Variants in RNF130 observed in about 807,000 individuals in gnomAD.
The protein encoded by RNF130 is E3 ubiquitin-protein ligase RNF130.
A neutral mutation model predicts 44.6 loss-of-function variants in RNF130; 21 were observed. That is an observed-to-expected ratio of 0.47 (90% confidence interval 0.33 to 0.68). The LOEUF (loss-of-function observed/expected upper bound fraction) is 0.68, where lower values mean the gene tolerates loss of function less well. RNF130 is among the 30% of genes least tolerant of loss of function. The probability of loss-of-function intolerance (pLI) is 0.02; values close to 1 mark genes in which losing one functional copy is unlikely to be tolerated. For missense variants in RNF130, 479 were observed against 560.6 expected (o/e 0.85, Z 1.47); for synonymous variants, 214 against 210.4 (o/e 1.02, Z -0.15).
At chr5:179,987,727 G>A (rs539510139) in intron 3 of RNF130, among the ~76,000 whole-genome samples, 1 of 152,186 alleles carries the variant, frequency 6.6e-6, no homozygotes, top group African/African-American at 2.4e-5. Flanking sequence ...TGAGAATCTG[G>A]TATTTGTTGT....
chr5:179,963,433 A>T, intron 8 of RNF130, 38 bp downstream of exon 8: 2 of 1,503,782 alleles, frequency 1.3e-6, no homozygotes, highest in Non-Finnish European at 1.8e-6. Flanking sequence ...TCCTGGGATC[A>T]TCTGGCACAT....
intron 2 of RNF130, 35 bp from the exon 3 acceptor site, chr5:180,013,346 A>C: frequency 1.3e-6 from 2 of 1,549,922 alleles, no homozygotes; most frequent in South Asian, 2.4e-5. Flanking sequence ...CTCAAGTGAC[A>C]TTTAAAACTT....
At chr5:179,998,031 G>A (rs1027359533) in intron 3 of RNF130, among the ~76,000 whole-genome samples, 44 of 151,680 alleles carry the variant, frequency 2.9e-4, no homozygotes, top group South Asian at 2.1e-4. Flanking sequence ...TAGTAGAGAC[G>A]GGGTTTCACC....
intron 1 of RNF130, among the ~76,000 whole-genome samples, chr5:180,054,774 T>A (rs1237773901): frequency 1.3e-5 from 2 of 152,218 alleles, no homozygotes; most frequent in Non-Finnish European, 2.9e-5. Context: ...TAGGTCAATT[T>A]GGAGGGCACA....
At chr5:179,913,264 G>A (rs1761494790) in exon 8 of RNF130, 1 of 152,298 alleles carries the variant, frequency 6.6e-6, no homozygotes, top group East Asian at 1.9e-4. Context: ...GCCAACAGGA[G>A]GAACTCCACA....
intron 2 of RNF130, among the ~76,000 whole-genome samples, chr5:180,021,011 C>G: frequency 6.7e-6 from 1 of 148,548 alleles, no homozygotes; most frequent in South Asian, 2.2e-4. Context: ...GAGACGGAGT[C>G]TCACTCTGTC....
At chr5:179,956,672 TC>T (rs1462306464) in intron 8 of RNF130, among the ~76,000 whole-genome samples, 1 of 152,212 alleles carries the variant, frequency 6.6e-6, no homozygotes, top group Non-Finnish European at 1.5e-5. Context: ...CCAGGCTGGT[TC>T]CTAAGTCACT....
intron 3 of RNF130, among the ~76,000 whole-genome samples, chr5:180,008,993 A>G (rs971804685): frequency 1.3e-5 from 2 of 152,166 alleles, no homozygotes; most frequent in African/African-American, 4.8e-5. Flanking sequence ...AATACATAGG[A>G]CTGAATGAAA....
exon 8 of RNF130, chr5:179,913,190 T>C (rs1365693058): frequency 6.6e-6 from 1 of 152,346 alleles, no homozygotes; most frequent in African/African-American, 2.4e-5. Context: ...GGCGTCTGGC[T>C]ACGGGCGCCG....
At chr5:180,031,624 C>A (rs1764132928) in intron 2 of RNF130, among the ~76,000 whole-genome samples, 1 of 152,160 alleles carries the variant, frequency 6.6e-6, no homozygotes, top group South Asian at 2.1e-4. Flanking sequence ...ATTTTATGGA[C>A]ATATAACTTG....
chr5:179,973,936 T>A (rs1183018639), intron 5 of RNF130, among the ~76,000 whole-genome samples: 1 of 151,990 alleles, frequency 6.6e-6, no homozygotes, highest in East Asian at 1.9e-4. Flanking sequence ...AAATAGAACA[T>A]GAAAGGAACA....
At chr5:180,048,064 G>T (rs1764609564) in intron 1 of RNF130, among the ~76,000 whole-genome samples, 1 of 151,564 alleles carries the variant, frequency 6.6e-6, no homozygotes, top group African/African-American at 2.4e-5. Flanking sequence ...GCCCTCTTCT[G>T]AGAAATTATT....
chr5:180,014,796 G>C (rs1582189557), intron 2 of RNF130, among the ~76,000 whole-genome samples: 1 of 152,156 alleles, frequency 6.6e-6, no homozygotes, highest in Admixed American at 6.5e-5. Context: ...GACCAGCCTG[G>C]GCAACATGGT....
intron 1 of RNF130, among the ~76,000 whole-genome samples, chr5:180,055,164 T>C (rs916919833): frequency 1.4e-5 from 2 of 143,646 alleles, no homozygotes; most frequent in Admixed American, 7.3e-5. Flanking sequence ...TGAAAACCCA[T>C]CTCTACTAAA....
chr5:179,975,128 A>T (rs1472872575), intron 5 of RNF130, among the ~76,000 whole-genome samples: 1 of 152,228 alleles, frequency 6.6e-6, no homozygotes, highest in Non-Finnish European at 1.5e-5. Context: ...CCGCTTAGCA[A>T]CATGAGGTAC....
At chr5:179,975,339 G>T (rs768877307) in intron 5 of RNF130, among the ~76,000 whole-genome samples, 1 of 152,186 alleles carries the variant, frequency 6.6e-6, no homozygotes. Context: ...GGCAGTTTTG[G>T]TTGTCACAAC....
chr5:179,951,056 C>T (rs748761247), downstream of RNF130, among the ~76,000 whole-genome samples: 13 of 152,168 alleles, frequency 8.5e-5, no homozygotes, highest in Non-Finnish European at 1.2e-4. Flanking sequence ...CTCGGCTGAA[C>T]TCTGGCATTG....
intron 6 of RNF130, among the ~76,000 whole-genome samples, 162 bp from the exon 7 acceptor site, chr5:179,967,172 C>T (rs1762469974): frequency 6.6e-6 from 1 of 152,232 alleles, no homozygotes; most frequent in African/African-American, 2.4e-5. Flanking sequence ...ACTCCTTCTT[C>T]TCTCACCCTA....
intron 5 of RNF130, among the ~76,000 whole-genome samples, chr5:179,974,959 C>A (rs1222081760): frequency 6.6e-6 from 1 of 152,232 alleles, no homozygotes; most frequent in Non-Finnish European, 1.5e-5. Flanking sequence ...TGAAGCGGTC[C>A]TCTGAGAGTG....
Sources: gnomAD v4.1 joint callset for allele counts (sites outside exome capture counted in the v4.1 genomes callset) on GRCh38, gnomAD v4.1.1 for gene constraint, MANE v1.5 for transcripts, NCBI Gene and HGNC (gene_info 2026-07-23, HGNC 2026-07-21) for gene names.